NEGR1: variants seen among roughly 807,000 people sequenced by gnomAD.
NEGR1 encodes the protein IgLON family member 4.
Under a neutral mutation model 40.9 loss-of-function variants are expected in NEGR1, and 10 were observed. That is an observed-to-expected ratio of 0.24 (90% CI 0.15 to 0.42). NEGR1 has a LOEUF of 0.42. Among genes scored for constraint, NEGR1 ranks in the 10% least tolerant of loss-of-function variants. The pLI is 1.00. For synonymous variants in NEGR1, 185 were observed against 166.8 expected (o/e 1.11, Z -0.84); for missense variants, 352 against 438.9 (o/e 0.80, Z 1.77).
chr1:71,993,648 T>C (rs112534699), intron 1 of NEGR1, among the ~76,000 whole-genome samples: 1,737 of 152,318 alleles, frequency 0.011, 15 homozygotes, highest in Middle Eastern at 0.041. Flanking sequence ...ATCCAGGAGA[T>C]GCTCAGGGCG....
intron 2 of NEGR1, among the ~76,000 whole-genome samples, chr1:71,784,956 A>T (rs1656858371): frequency 6.6e-6 from 1 of 152,200 alleles, no homozygotes; most frequent in Admixed American, 6.5e-5. Flanking sequence ...GAAGACAAAA[A>T]CACAACATGG....
At chr1:72,014,867 G>A (rs1427547840) in intron 1 of NEGR1, among the ~76,000 whole-genome samples, 1 of 149,570 alleles carries the variant, frequency 6.7e-6, no homozygotes, top group African/African-American at 2.5e-5. Flanking sequence ...TCAAATCTTA[G>A]TTGAGGATAA....
chr1:71,776,444 C>G, intron 2 of NEGR1, 147 bp from the exon 3 acceptor site: 1 of 400,028 alleles, frequency 2.5e-6, no homozygotes, highest in Non-Finnish European at 4.3e-6. Flanking sequence ...GATGGATTCT[C>G]TAGAACCTCA....
rs559359616 is a variant in NEGR1, at chr1:72,237,364, T to C, written c.176+44955A>G. Among the ~76,000 whole-genome samples, 45 of 152,032 alleles carry C rather than the reference T, an allele frequency of 3.0e-4. No homozygotes were observed. In the South Asian group the frequency reaches 9.3e-3, roughly 32 times the overall value. ...ATACAAAACCTCAAACACCATAAAC[T>C]GGGTAGCTTATAAAAACACTTATTT... On this transcript the variant is annotated intron_variant, in intron 1 of 6. Transcript: ENST00000357731.
chr1:71,426,976 G>A (rs1351027319), intron 6 of NEGR1, among the ~76,000 whole-genome samples: 1 of 152,156 alleles, frequency 6.6e-6, no homozygotes, highest in East Asian at 1.9e-4. Context: ...CGGCAGCCAT[G>A]TTGAAGTTCC....
intron 4 of NEGR1, among the ~76,000 whole-genome samples, chr1:71,642,960 A>T (rs1557597705): frequency 2.0e-5 from 3 of 151,944 alleles, no homozygotes; most frequent in Non-Finnish European, 4.4e-5. Context: ...AGGGCTAAGT[A>T]TATTCAGAAG....
rs28378204 is a variant in NEGR1 at position 71,756,415 on chromosome 1, A to C, written c.535+19757T>G. On this transcript the variant is annotated intron_variant, in intron 3 of 6. Transcript: ENST00000357731. ...AAAACAAAAAACAAAAACAAACAAA[A>C]AAAAAAAACCAAAAAAAACCACATC... Among the ~76,000 whole-genome samples, 376 of 151,592 alleles carry C rather than the reference A, an allele frequency of 2.5e-3. 2 individuals carry two copies. Among genetic ancestry groups the C allele is most frequent in the South Asian group, 6.2e-3 (30 of 4,804 alleles).
intron 1 of NEGR1, among the ~76,000 whole-genome samples, chr1:72,168,881 C>A (rs935616907): frequency 2.0e-5 from 3 of 152,124 alleles, no homozygotes; most frequent in African/African-American, 7.2e-5. Flanking sequence ...GCCTAGGAGA[C>A]AGAGAGAGAC....
intron 1 of NEGR1, among the ~76,000 whole-genome samples, chr1:71,983,878 T>C (rs544501206): frequency 7.2e-5 from 11 of 152,312 alleles, no homozygotes; most frequent in African/African-American, 2.6e-4. Context: ...CTACTCAACA[T>C]ATTTTTTACT....
chr1:71,820,140 C>G (rs1658373223), intron 2 of NEGR1, among the ~76,000 whole-genome samples: 1 of 151,864 alleles, frequency 6.6e-6, no homozygotes. Flanking sequence ...AATTCTGACC[C>G]ACAGATGGTT....
intron 6 of NEGR1, among the ~76,000 whole-genome samples, chr1:71,522,176 C>T (rs1279104959): frequency 6.6e-6 from 1 of 151,918 alleles, no homozygotes; most frequent in Non-Finnish European, 1.5e-5. Context: ...TAATACATTC[C>T]TGACTCCACC....
chr1:71,828,137 AT>A (rs955814718), intron 2 of NEGR1, among the ~76,000 whole-genome samples: 1 of 151,954 alleles, frequency 6.6e-6, no homozygotes, highest in African/African-American at 2.4e-5. Context: ...TTTTGGGGTA[AT>A]GGGAATTGAA....
intron 1 of NEGR1, among the ~76,000 whole-genome samples, chr1:71,936,820 G>C (rs959953417): frequency 5.3e-5 from 8 of 152,172 alleles, no homozygotes; most frequent in Admixed American, 2.0e-4. Flanking sequence ...ATAGTAGTCA[G>C]GCACATCAAG....
intron 1 of NEGR1, among the ~76,000 whole-genome samples, chr1:72,187,371 G>A (rs1652650411): frequency 1.3e-5 from 2 of 151,308 alleles, no homozygotes; most frequent in Non-Finnish European, 3.0e-5. Flanking sequence ...TCCTAACACA[G>A]TATTCAAAAT....
At chr1:71,507,233 A>G (rs1261677465) in intron 6 of NEGR1, among the ~76,000 whole-genome samples, 1 of 152,242 alleles carries the variant, frequency 6.6e-6, no homozygotes, top group Non-Finnish European at 1.5e-5. Context: ...TAGACTATTT[A>G]GCCTGATCCC....
chr1:71,498,821 G>T (rs1248458288), intron 6 of NEGR1, among the ~76,000 whole-genome samples: 1 of 152,106 alleles, frequency 6.6e-6, no homozygotes, highest in Non-Finnish European at 1.5e-5. Context: ...GAGACCTGGA[G>T]GTCACTACTT....
chr1:72,139,157 AG>A (rs754023405), intron 1 of NEGR1, among the ~76,000 whole-genome samples: 35 of 151,380 alleles, frequency 2.3e-4, no homozygotes, highest in Middle Eastern at 3.4e-3. Flanking sequence ...AGCAGTATTT[AG>A]GGAAATTTTA....
intron 2 of NEGR1, among the ~76,000 whole-genome samples, chr1:71,851,526 C>G (rs1353989904): frequency 6.6e-6 from 1 of 152,110 alleles, no homozygotes; most frequent in Non-Finnish European, 1.5e-5. Flanking sequence ...TCATTCAACA[C>G]AATTTTATAA....
intron 6 of NEGR1, among the ~76,000 whole-genome samples, chr1:71,519,727 A>C (rs1647140635): frequency 2.4e-5 from 2 of 82,268 alleles, no homozygotes; most frequent in African/African-American, 1.3e-4. Flanking sequence ...CTTAGAGTAT[A>C]ATAAAAAAAA....
Sources: gnomAD v4.1 joint callset for allele counts (sites outside exome capture counted in the v4.1 genomes callset) on GRCh38, gnomAD v4.1.1 for gene constraint, MANE v1.5 for transcripts, NCBI Gene and HGNC (gene_info 2026-07-23, HGNC 2026-07-21) for gene names.